The following EHMT1 variants were observed in gnomAD, a reference collection of about 807,000 sequenced individuals.
The protein encoded by EHMT1 is euchromatic histone lysine methyltransferase 1.
EHMT1 carries 15 observed loss-of-function variants against 147.2 expected under a neutral mutation model. The ratio of observed to expected loss-of-function variants is 0.10; its 90% CI spans 0.07 to 0.16. EHMT1 has a LOEUF of 0.16. Among genes scored for constraint, EHMT1 ranks in the 10% least tolerant of loss-of-function variants. The pLI is 1.00. For missense variants in EHMT1, 1,587 were observed against 1,772.4 expected, an observed-to-expected ratio of 0.90 and a Z score of 1.88; for synonymous variants, 795 against 709.6, an observed-to-expected ratio of 1.12 and a Z score of -1.91.
chr9:137,834,604 G>A (rs1956471971), intron 26 of EHMT1, 80 bp downstream of exon 26: 1 of 1,600,048 alleles, frequency 6.2e-7, no homozygotes. Context: ...GCTTTCCTGG[G>A]CTTGTCTCGG....
At chr9:137,659,921 T>G (rs1397021238) in intron 1 of EHMT1, among the ~76,000 whole-genome samples, 1 of 152,118 alleles carries the variant, frequency 6.6e-6, no homozygotes, top group Non-Finnish European at 1.5e-5. Context: ...CAGTCCAAAA[T>G]GTATTTACCT....
rs1342402816 is a variant in EHMT1 at position 137,711,027 on chromosome 9, G to A, written c.82G>A (p.Glu28Lys). 5 of 1,590,916 alleles carry A rather than the reference G, an allele frequency of 3.1e-6. No individual in the cohort carries two copies. The highest frequency in any genetic ancestry group is 1.3e-5 in the African/African-American group (1 of 74,580). Residue 28 changes from glutamate (E) to lysine (K), a missense_variant, in exon 2 of 27, where the codon GAA becomes AAA. Glu to Lys is a moderately conservative substitution (Grantham distance 56, BLOSUM62 1). Transcript: ENST00000460843. ...DCCVKTELLG[E>K]ETPMAADEGS... Reference sequence around the variant, plus strand: ...CTGTGTGAAAACCGAGCTGCTGGGAGAAGGTGAGGGCGGTGTGCACCGAGG... The same window carrying A: ...CTGTGTGAAAACCGAGCTGCTGGGAAAAGGTGAGGGCGGTGTGCACCGAGG...
chr9:137,759,017 C>CTA (rs1408512404), intron 9 of EHMT1, among the ~76,000 whole-genome samples: 4 of 151,798 alleles, frequency 2.6e-5, no homozygotes, highest in Non-Finnish European at 5.9e-5. Flanking sequence ...GTCCCAGCTA[C>CTA]TCGGGAGGCT....
At chr9:137,698,137 C>T (rs886294959) in intron 1 of EHMT1, among the ~76,000 whole-genome samples, 3 of 152,198 alleles carry the variant, frequency 2.0e-5, no homozygotes, top group African/African-American at 7.2e-5. Flanking sequence ...AGTGTGGAAA[C>T]GGAGGCCACT....
intron 26 of EHMT1, 76 bp downstream of exon 26, chr9:137,834,600 C>T (rs373394283): frequency 1.3e-5 from 21 of 1,600,978 alleles, no homozygotes; most frequent in African/African-American, 6.7e-5. Flanking sequence ...CATTGCTTTC[C>T]TGGGCTTGTC....
intron 18 of EHMT1, among the ~76,000 whole-genome samples, chr9:137,808,361 T>G (rs1588829807): frequency 6.6e-6 from 1 of 152,308 alleles, no homozygotes; most frequent in Non-Finnish European, 1.5e-5. Flanking sequence ...GGCAGTGAGC[T>G]GGGCAGCCAC....
chr9:137,637,298 C>T (rs1844155665), intron 1 of EHMT1, among the ~76,000 whole-genome samples: 1 of 152,108 alleles, frequency 6.6e-6, no homozygotes, highest in South Asian at 2.1e-4. Context: ...GCCTCAGCCT[C>T]CCGAGTAGCT....
intron 17 of EHMT1, 100 bp from the exon 18 acceptor site, chr9:137,800,780 T>C: frequency 1.0e-6 from 1 of 989,404 alleles, no homozygotes; most frequent in East Asian, 2.5e-5. Context: ...ACGAGGGGCA[T>C]GGTACCTGGG....
At chr9:137,759,535 G>A (rs940665461) in intron 9 of EHMT1, among the ~76,000 whole-genome samples, 1 of 152,204 alleles carries the variant, frequency 6.6e-6, no homozygotes, top group Admixed American at 6.5e-5. Context: ...GGATGGTGCC[G>A]AGCATCAGGG....
chr9:137,763,327 C>T (rs912826466), intron 10 of EHMT1: 5 of 214,280 alleles, frequency 2.3e-5, no homozygotes, highest in Admixed American at 1.0e-4. Flanking sequence ...AGAGCACAGA[C>T]GGAATTAATG....
intron 1 of EHMT1, among the ~76,000 whole-genome samples, chr9:137,664,305 CTTTT>C (rs1160449981): frequency 1.1e-5 from 1 of 93,578 alleles, no homozygotes; most frequent in Non-Finnish European, 2.4e-5. Flanking sequence ...TTTTTTTTTT[CTTTT>C]GAGACTGAGT....
intron 14 of EHMT1, among the ~76,000 whole-genome samples, chr9:137,781,245 G>A (rs80213124): frequency 0.018 from 175 of 9,476 alleles, no homozygotes; most frequent in Non-Finnish European, 0.022. Context: ...GACGACGCTG[G>A]GACGTGTGGT....
At chr9:137,657,520 ATTT>A (rs1938595369) in intron 1 of EHMT1, among the ~76,000 whole-genome samples, 1 of 150,030 alleles carries the variant, frequency 6.7e-6, no homozygotes, top group African/African-American at 2.5e-5. Flanking sequence ...TTTAATAAAA[ATTT>A]TTTATTTTCA....
intron 1 of EHMT1, among the ~76,000 whole-genome samples, chr9:137,695,489 A>G (rs756874693): frequency 5.3e-5 from 8 of 152,206 alleles, no homozygotes; most frequent in Admixed American, 1.3e-4. Context: ...TGAAACAACA[A>G]TCATCATTTG....
intron 1 of EHMT1, among the ~76,000 whole-genome samples, chr9:137,707,225 G>T (rs1353113343): frequency 1.3e-5 from 2 of 152,202 alleles, no homozygotes. Flanking sequence ...AGCGCTGCTT[G>T]GGGGGGCTGG....
At chr9:137,628,568 C>T (rs867065184) in intron 1 of EHMT1, among the ~76,000 whole-genome samples, 2 of 152,200 alleles carry the variant, frequency 1.3e-5, no homozygotes, top group Non-Finnish European at 2.9e-5. Context: ...GCGTGAACTG[C>T]TGTGGCTGGC....
chr9:137,628,539 G>A (rs1017427758), intron 1 of EHMT1, among the ~76,000 whole-genome samples: 2 of 152,204 alleles, frequency 1.3e-5, no homozygotes, highest in African/African-American at 4.8e-5. Flanking sequence ...TTTGGCCTCT[G>A]AAAGTGTTAG....
Position 137,752,470 on chromosome 9 carries a change from G to A in EHMT1, c.1248+62G>A, listed in dbSNP as rs1949045132. 1.3e-5 allele frequency: 21 copies of A among 1,567,274 alleles called. No homozygotes were observed. In the South Asian group the frequency reaches 1.7e-4, roughly 13 times the overall value. Reference sequence around the variant, plus strand: ...GTAGAGGAGATGCAAAGACACCAGCGTCCTTCAGTTCTTTACCCAACAACC... The same window carrying A: ...GTAGAGGAGATGCAAAGACACCAGCATCCTTCAGTTCTTTACCCAACAACC... On this transcript the variant is annotated intron_variant, in intron 7 of 26. Coordinates refer to ENST00000460843, the MANE Select transcript of EHMT1 (RefSeq NM_024757.5).
chr9:137,636,199 C>T (rs372101270), intron 1 of EHMT1, among the ~76,000 whole-genome samples: 2 of 152,244 alleles, frequency 1.3e-5, no homozygotes, highest in South Asian at 2.1e-4. Flanking sequence ...GGATTATAGG[C>T]GTGAGCCACC....
Sources: gnomAD v4.1 joint callset for allele counts (sites outside exome capture counted in the v4.1 genomes callset) on GRCh38, gnomAD v4.1.1 for gene constraint, MANE v1.5 for transcripts, NCBI Gene and HGNC (gene_info 2026-07-23, HGNC 2026-07-21) for gene names.